Variants in UGT2B7 observed in about 807,000 individuals in gnomAD.
The protein encoded by UGT2B7 is UDP glucuronosyltransferase family 2 member B7.
In UGT2B7, 51 loss-of-function variants were observed where a neutral mutation model predicts 51.9. The ratio of observed to expected loss-of-function variants is 0.98; its 90% CI spans 0.78 to 1.24. The LOEUF is 1.24. Among genes scored for constraint, UGT2B7 ranks in the 50% most tolerant of loss-of-function variants. The probability of loss-of-function intolerance (pLI) is 0.00; values close to 1 mark genes in which losing one functional copy is unlikely to be tolerated. For synonymous variants in UGT2B7, 225 were observed against 211.6 expected (o/e 1.06, Z -0.55); for missense variants, 727 against 628.4 (o/e 1.16, Z -1.68).
At chr4:69,064,068 G>GAAAGAAAT (rs1718422929) in intron 1 of UGT2B7, among the ~76,000 whole-genome samples, 2 of 103,608 alleles carry the variant, frequency 1.9e-5, no homozygotes, top group African/African-American at 1.0e-4. Context: ...AAGAAAGAAA[G>GAAAGAAAT]AAAGAAAGAA....
intron 1 of UGT2B7, among the ~76,000 whole-genome samples, chr4:69,070,241 C>T (rs1718571276): frequency 6.8e-6 from 1 of 147,156 alleles, no homozygotes; most frequent in African/African-American, 2.5e-5. Context: ...TATAATATAT[C>T]ATAAATTTAT....
At chr4:69,107,351 T>A in intron 4 of UGT2B7, 89 bp downstream of exon 4, 1 of 1,386,588 alleles carries the variant, frequency 7.2e-7, no homozygotes, top group Non-Finnish European at 9.8e-7. Flanking sequence ...TATTGAATAT[T>A]TGTTAAGGAA....
At chr4:69,101,135 T>A (rs34318523) in intron 2 of UGT2B7, among the ~76,000 whole-genome samples, 87,616 of 151,838 alleles carry the variant, frequency 0.58, 26,283 homozygotes, top group African/African-American at 0.71. Context: ...GTCAGCCATA[T>A]TACAAATAAA....
At chr4:69,094,116 T>G (rs1719155289), upstream of UGT2B7, among the ~76,000 whole-genome samples, 1 of 148,576 alleles carries the variant, frequency 6.7e-6, no homozygotes, top group South Asian at 2.2e-4. Context: ...AATCACACAA[T>G]TTGTTTTGGT....
At chr4:69,102,293 C>T (rs964024947) in intron 2 of UGT2B7, among the ~76,000 whole-genome samples, 12 of 151,840 alleles carry the variant, frequency 7.9e-5, no homozygotes, top group African/African-American at 2.4e-4. Context: ...TAAAATTATC[C>T]CAACTGTGAG....
upstream of UGT2B7, among the ~76,000 whole-genome samples, chr4:69,093,363 G>A (rs959107478): frequency 3.9e-5 from 6 of 152,174 alleles, no homozygotes; most frequent in Non-Finnish European, 7.4e-5. Context: ...CACCCCACGC[G>A]GCTGAGAGTT....
chr4:69,077,051 T>C (rs994446100), intron 1 of UGT2B7, among the ~76,000 whole-genome samples: 1 of 152,332 alleles, frequency 6.6e-6, no homozygotes, highest in African/African-American at 2.4e-5. Flanking sequence ...CTTTCCTCAT[T>C]GCTTGTTTTT....
intron 1 of UGT2B7, among the ~76,000 whole-genome samples, chr4:69,076,436 C>T (rs1339624242): frequency 1.3e-5 from 2 of 152,192 alleles, no homozygotes; most frequent in Non-Finnish European, 2.9e-5. Context: ...ACATCCTCTC[C>T]AACATCAGTT....
At chr4:69,051,993 A>T (rs1718030799) in intron 1 of UGT2B7, among the ~76,000 whole-genome samples, 1 of 152,152 alleles carries the variant, frequency 6.6e-6, no homozygotes, top group South Asian at 2.1e-4. Flanking sequence ...TTTGCCTCGA[A>T]AAAACATGGA....
intron 1 of UGT2B7, among the ~76,000 whole-genome samples, chr4:69,066,848 A>C (rs1252618274): frequency 2.0e-5 from 3 of 152,082 alleles, no homozygotes; most frequent in Admixed American, 6.6e-5. Context: ...GCAACTGAAA[A>C]ATGACAGCTC....
rs1301759969 is a variant in UGT2B7 at position 69,102,956 on chromosome 4, A to T, written c.1002+18A>T. On this transcript the variant is annotated intron_variant, in intron 3 of 5. Coordinates refer to ENST00000305231, the MANE Select transcript of UGT2B7 (RefSeq NM_001074.4). ...CACAAAAGGTAAGATGAAGTGCCTT[A>T]CTGGTGTGGAAAACTACTGAAAGAG... 2.5e-6 allele frequency: 4 copies of T among 1,606,860 alleles called. No homozygotes were observed. In the East Asian group the frequency reaches 8.9e-5, roughly 36 times the overall value.
At chr4:69,064,094 A>AAGAGAGAGAGAGAGAG (rs112391559) in intron 1 of UGT2B7, among the ~76,000 whole-genome samples, 12 of 84,416 alleles carry the variant, frequency 1.4e-4, no homozygotes, top group Non-Finnish European at 2.6e-4. Context: ...GAAAGAAAGA[A>AAGAGAGAGAGAGAGAG]AGAGAAAGAA....
intron 5 of UGT2B7, among the ~76,000 whole-genome samples, chr4:69,111,229 T>C (rs1445496414): frequency 6.6e-6 from 1 of 152,156 alleles, no homozygotes; most frequent in South Asian, 2.1e-4. Flanking sequence ...AGTTTGCCCG[T>C]GTCTAAAAAT....
intron 1 of UGT2B7, chr4:69,070,010 G>T (rs987794077): frequency 1.3e-4 from 20 of 151,872 alleles, no homozygotes; most frequent in African/African-American, 4.3e-4. Context: ...GTGCCTTCTT[G>T]ATTTGTTTGA....
At chr4:69,072,085 A>C (rs1292142238) in intron 1 of UGT2B7, among the ~76,000 whole-genome samples, 6 of 152,106 alleles carry the variant, frequency 3.9e-5, no homozygotes, top group Admixed American at 3.9e-4. Flanking sequence ...AAATCTTTTC[A>C]CATAAAGTAC....
chr4:69,072,531 A>G (rs1718622949), intron 1 of UGT2B7, among the ~76,000 whole-genome samples: 2 of 152,240 alleles, frequency 1.3e-5, no homozygotes, highest in Non-Finnish European at 2.9e-5. Context: ...GTTTCTTAAA[A>G]GATAAAACAA....
chr4:69,093,646 G>A (rs1436452131), upstream of UGT2B7, among the ~76,000 whole-genome samples: 1 of 152,186 alleles, frequency 6.6e-6, no homozygotes, highest in African/African-American at 2.4e-5. Context: ...ACCTTTGTGT[G>A]TCAGACTGAA....
intron 1 of UGT2B7, among the ~76,000 whole-genome samples, chr4:69,082,914 C>A (rs1479269915): frequency 1.3e-5 from 2 of 152,088 alleles, no homozygotes; most frequent in Admixed American, 1.3e-4. Flanking sequence ...CAGGCTGACT[C>A]TTTCGTTAGT....
chr4:69,063,645 G>A (rs1471203365), intron 1 of UGT2B7, among the ~76,000 whole-genome samples: 1 of 152,258 alleles, frequency 6.6e-6, no homozygotes, highest in South Asian at 2.1e-4. Flanking sequence ...TAACAGGAAA[G>A]CCATCATAGA....
Sources: gnomAD v4.1 joint callset for allele counts (sites outside exome capture counted in the v4.1 genomes callset) on GRCh38, gnomAD v4.1.1 for gene constraint, MANE v1.5 for transcripts, NCBI Gene and HGNC (gene_info 2026-07-23, HGNC 2026-07-21) for gene names.